Variants in GABRG2 observed in about 807,000 individuals in gnomAD.
GABRG2 encodes the protein gamma-aminobutyric acid receptor subunit gamma-2.
GABRG2 carries 16 observed loss-of-function variants against 56.4 expected under a neutral mutation model. The observed-to-expected ratio is 0.28, with a 90% CI of 0.19 to 0.43. The LOEUF is 0.43. GABRG2 is among the 20% of genes least tolerant of loss of function. The probability of loss-of-function intolerance (pLI) is 1.00; values close to 1 mark genes in which losing one functional copy is unlikely to be tolerated. For synonymous variants in GABRG2, 208 were observed against 205.5 expected (o/e 1.01, Z -0.10); for missense variants, 327 against 582.7 (o/e 0.56, Z 4.52).
At chr5:162,151,958 A>C (rs1477423867) in intron 9 of GABRG2, 2 of 482,726 alleles carry the variant, frequency 4.1e-6, no homozygotes, top group Non-Finnish European at 7.2e-6. Context: ...CACCAAGCCC[A>C]AAAGCTATAA....
intron 3 of GABRG2, among the ~76,000 whole-genome samples, chr5:162,096,103 A>G (rs1760978438): frequency 1.3e-5 from 2 of 151,952 alleles, no homozygotes; most frequent in African/African-American, 4.8e-5. Flanking sequence ...ATTATACAAT[A>G]TTATATATGA....
intron 1 of GABRG2, among the ~76,000 whole-genome samples, chr5:162,078,950 TA>T (rs1367581053): frequency 6.6e-6 from 1 of 150,856 alleles, no homozygotes; most frequent in Admixed American, 6.6e-5. Flanking sequence ...TGTCACTTCA[TA>T]AAAAAATCTT....
chr5:162,131,541 G>A (rs2113539219), intron 6 of GABRG2, among the ~76,000 whole-genome samples: 1 of 151,792 alleles, frequency 6.6e-6, no homozygotes, highest in South Asian at 2.1e-4. Flanking sequence ...AATTCTGGTG[G>A]TTCTCAAACT....
chr5:162,138,130 T>G (rs944365119), intron 6 of GABRG2, among the ~76,000 whole-genome samples: 1 of 152,138 alleles, frequency 6.6e-6, no homozygotes, highest in Non-Finnish European at 1.5e-5. Flanking sequence ...TTTATGCCTT[T>G]TAAATTTTAT....
At chr5:162,104,610 G>A (rs1249535444) in intron 6 of GABRG2, among the ~76,000 whole-genome samples, 1 of 152,056 alleles carries the variant, frequency 6.6e-6, no homozygotes, top group Non-Finnish European at 1.5e-5. Flanking sequence ...AAAAAAAATT[G>A]CATCACAGGA....
Position 162,122,360 on chromosome 5 carries a change from A to C in GABRG2, c.769+18334A>C, listed in dbSNP as rs541163601. On this transcript the variant is annotated intron_variant, in intron 6 of 9. Transcript: ENST00000639213. Reference sequence around the variant, plus strand: ...AAAAGCAAATCAAAACAAGCCAAAAATAAACAAATTGGACAAATGAAAACA... The same window carrying C: ...AAAAGCAAATCAAAACAAGCCAAAACTAAACAAATTGGACAAATGAAAACA... 4.6e-5 allele frequency among the ~76,000 whole-genome samples: 7 copies of C among 152,040 alleles called. No homozygotes were observed. The South Asian group carries it at 1.0e-3, about 22-fold the overall frequency.
At chr5:162,086,885 T>A (rs1760163603) in intron 1 of GABRG2, among the ~76,000 whole-genome samples, 1 of 152,042 alleles carries the variant, frequency 6.6e-6, no homozygotes, top group Non-Finnish European at 1.5e-5. Flanking sequence ...ATGTGACAAA[T>A]AATGCAACCG....
At chr5:162,142,775 G>A in intron 7 of GABRG2, 1 of 283,264 alleles carries the variant, frequency 3.5e-6, no homozygotes, top group Middle Eastern at 1.2e-3. Context: ...GGGAGGAAAA[G>A]CATTAGGAGA....
intron 1 of GABRG2, among the ~76,000 whole-genome samples, chr5:162,081,460 T>G (rs1194168865): frequency 6.6e-6 from 1 of 152,006 alleles, no homozygotes; most frequent in Non-Finnish European, 1.5e-5. Context: ...TGAGTGGTAC[T>G]TATGGTACTC....
At chr5:162,137,047 G>A (rs1327898418) in intron 6 of GABRG2, among the ~76,000 whole-genome samples, 1 of 152,090 alleles carries the variant, frequency 6.6e-6, no homozygotes, top group East Asian at 1.9e-4. Flanking sequence ...TGGTGGGCAG[G>A]TGATGAATGC....
At chr5:162,144,672 C>G (rs879374378) in intron 7 of GABRG2, among the ~76,000 whole-genome samples, 2 of 152,184 alleles carry the variant, frequency 1.3e-5, no homozygotes, top group Non-Finnish European at 2.9e-5. Flanking sequence ...ATGACATCCA[C>G]AAAGTCACAG....
intron 1 of GABRG2, among the ~76,000 whole-genome samples, chr5:162,080,811 C>T (rs537156980): frequency 4.6e-5 from 7 of 151,904 alleles, no homozygotes; most frequent in Non-Finnish European, 8.8e-5. Context: ...AAAATCTTAG[C>T]GAGACCAAGA....
At chr5:162,096,007 A>C (rs951901300) in intron 3 of GABRG2, among the ~76,000 whole-genome samples, 1 of 152,058 alleles carries the variant, frequency 6.6e-6, no homozygotes, top group Non-Finnish European at 1.5e-5. Context: ...ACTAGACTGG[A>C]GTCCAAAATA....
At chr5:162,071,310 A>G (rs1758656264) in intron 1 of GABRG2, among the ~76,000 whole-genome samples, 1 of 151,484 alleles carries the variant, frequency 6.6e-6, no homozygotes, top group Non-Finnish European at 1.5e-5. Context: ...AACATAAAAA[A>G]TAATTTAGAG....
At chr5:162,145,569 C>G (rs544590730) in intron 7 of GABRG2, among the ~76,000 whole-genome samples, 6 of 152,306 alleles carry the variant, frequency 3.9e-5, no homozygotes, top group African/African-American at 1.4e-4. Flanking sequence ...TGGCTCCAGG[C>G]AGAGCCCTGA....
At chr5:162,070,882 C>A (rs568603630) in intron 1 of GABRG2, among the ~76,000 whole-genome samples, 272 of 151,956 alleles carry the variant, frequency 1.8e-3, no homozygotes, top group Non-Finnish European at 3.1e-3. Context: ...GTACCCTAGA[C>A]CTCACTTTGA....
At position 162,097,703 on chromosome 5, in the gene GABRG2, C is replaced by T; in HGVS notation, c.393C>T (p.Thr131=). ...ACAGACGTTTGAAATTTAACAGCACCATTAAAGTCCTCCGATTGAACAGCA... is the reference window on the plus strand; with the variant it reads ...ACAGACGTTTGAAATTTAACAGCACTATTAAAGTCCTCCGATTGAACAGCA... ...WYDRRLKFNS[T]IKVLRLNSNM... is the part of the protein sequence containing the mutation. The change falls in exon 4 of 10, where the codon ACC becomes ACT. Residue 131 remains threonine (T), a synonymous_variant. Coordinates refer to ENST00000639213, the MANE Select transcript of GABRG2 (RefSeq NM_198904.4). The T allele has an allele frequency of 6.2e-7, 1 of 1,613,712 alleles. No homozygotes were observed. The highest frequency in any genetic ancestry group is 8.5e-7 in the Non-Finnish European group (1 of 1,179,850).
At chr5:162,115,448 C>T (rs1049803131) in intron 6 of GABRG2, among the ~76,000 whole-genome samples, 8 of 152,040 alleles carry the variant, frequency 5.3e-5, no homozygotes, top group African/African-American at 1.9e-4. Flanking sequence ...TTGTCTGTCC[C>T]GTGTGGAGAT....
At chr5:162,100,201 G>T (rs1761313142) in intron 4 of GABRG2, 1 of 151,984 alleles carries the variant, frequency 6.6e-6, no homozygotes, top group Admixed American at 6.6e-5. Flanking sequence ...GTGCTTCATA[G>T]TTAATTAAGG....
Sources: allele counts gnomAD v4.1 joint callset (sites outside exome capture counted in the v4.1 genomes callset), GRCh38; gene constraint gnomAD v4.1.1; transcripts MANE v1.5; gene names NCBI Gene and HGNC (gene_info 2026-07-23, HGNC 2026-07-21).